HGSNAT: variants seen among roughly 807,000 people sequenced by gnomAD.
HGSNAT encodes heparan-alpha-glucosaminide N-acetyltransferase.
Under a neutral mutation model 85.2 loss-of-function variants are expected in HGSNAT, and 59 were observed. The ratio of observed to expected loss-of-function variants is 0.69; its 90% CI spans 0.56 to 0.86. The LOEUF (loss-of-function observed/expected upper bound fraction) is 0.86. Ranked by LOEUF, HGSNAT falls within the 40% of genes least tolerant of loss-of-function variation. The pLI, the probability that HGSNAT is intolerant of heterozygous loss-of-function variation, is 0.00. For synonymous variants in HGSNAT, 321 were observed against 304.5 expected, an observed-to-expected ratio of 1.05 and a Z score of -0.56; for missense variants, 756 against 777.1, an observed-to-expected ratio of 0.97 and a Z score of 0.32.
At chr8:43,158,069 C>T (rs1015816256) in intron 2 of HGSNAT, among the ~76,000 whole-genome samples, 2 of 152,052 alleles carry the variant, frequency 1.3e-5, no homozygotes, top group Non-Finnish European at 2.9e-5. Context: ...GAAGATTGTA[C>T]AATTCCATAG....
chr8:43,189,464 G>T (rs547820194), intron 11 of HGSNAT, among the ~76,000 whole-genome samples: 7 of 152,174 alleles, frequency 4.6e-5, no homozygotes, highest in South Asian at 2.1e-4. Context: ...CTGGTGTGCC[G>T]TTTGTTAAGA....
At chr8:43,146,909 CTTT>C (rs375505816) in intron 1 of HGSNAT, 36 bp from the exon 2 acceptor site, 2,043 of 1,029,056 alleles carry the variant, frequency 2.0e-3, no homozygotes, top group Admixed American at 2.6e-3. Context: ...TTTCGGGTGC[CTTT>C]TTTTTTTTTT....
At chr8:43,141,482 C>T (rs1349982989) in intron 1 of HGSNAT, among the ~76,000 whole-genome samples, 1 of 152,136 alleles carries the variant, frequency 6.6e-6, no homozygotes, top group Non-Finnish European at 1.5e-5. Context: ...TCCATCTAGA[C>T]CCCTGCACCG....
At chr8:43,191,951 T>C (rs1273652370) in intron 12 of HGSNAT, among the ~76,000 whole-genome samples, 1 of 152,052 alleles carries the variant, frequency 6.6e-6, no homozygotes, top group African/African-American at 2.4e-5. Context: ...TTTTTGGAGA[T>C]GGAATCTTGC....
In HGSNAT at chr8:43,184,295, CTGT is replaced by C. The variant is rs577140692; in HGVS notation, c.1128+2040_1128+2042del. Among the ~76,000 whole-genome samples, 562 of 152,194 alleles carry C rather than the reference CTGT, an allele frequency of 3.7e-3. 4 individuals are homozygous for C. The highest frequency in any genetic ancestry group is 0.013 in the African/African-American group (548 of 41,520). Reference sequence around the variant, plus strand: ...TATTTCTCCACATCCTCTCCAGCACCTGTTGTTTCCTGACTTTTTAATGATTGC... The same window carrying C: ...TATTTCTCCACATCCTCTCCAGCACCTGTTTCCTGACTTTTTAATGATTGC... On this transcript the variant is annotated intron_variant, in intron 11 of 17. Coordinates refer to ENST00000379644, the MANE Select transcript of HGSNAT (RefSeq NM_152419.3).
At chr8:43,163,682 T>C (rs1490870292) in intron 5 of HGSNAT, among the ~76,000 whole-genome samples, 1 of 152,088 alleles carries the variant, frequency 6.6e-6, no homozygotes, top group Non-Finnish European at 1.5e-5. Context: ...CGTGACACCA[T>C]GCCCAGCTAA....
chr8:43,172,065 A>G (rs995787958), intron 7 of HGSNAT, among the ~76,000 whole-genome samples: 3 of 152,248 alleles, frequency 2.0e-5, no homozygotes, highest in Non-Finnish European at 4.4e-5. Flanking sequence ...ACTGCAGTAT[A>G]CACTTTGGTT....
At chr8:43,192,237 TTTATTCTTGTCCCTCTGTTCGCCCTTA>T (rs1350733984) in intron 12 of HGSNAT, 40 bp from the exon 13 acceptor site, 82 of 1,534,354 alleles carry the variant, frequency 5.3e-5, no homozygotes, top group Non-Finnish European at 2.6e-5. Context: ...CTGAGGTTTT[TTTATTCTTGTCCCTCTGTTCGCCCTTA>T]TGAGGTCTTG....
At chr8:43,177,878 C>T (rs1035399538) in intron 9 of HGSNAT, among the ~76,000 whole-genome samples, 196 bp from the exon 10 acceptor site, 2 of 152,242 alleles carry the variant, frequency 1.3e-5, no homozygotes, top group Non-Finnish European at 2.9e-5. Context: ...CTTGAAGGTG[C>T]ACTGTCAAAA....
chr8:43,154,873 T>C (rs1018970161), intron 2 of HGSNAT, among the ~76,000 whole-genome samples: 26 of 152,346 alleles, frequency 1.7e-4, no homozygotes, highest in Non-Finnish European at 3.4e-4. Flanking sequence ...GACTTTTTAA[T>C]GATCGCCATT....
At chr8:43,195,006 A>AG (rs1370520471) in intron 14 of HGSNAT, among the ~76,000 whole-genome samples, 1 of 152,188 alleles carries the variant, frequency 6.6e-6, no homozygotes, top group Non-Finnish European at 1.5e-5. Context: ...CTAGTGGGAC[A>AG]GTCCCTAGCC....
At chr8:43,197,322 T>C in intron 15 of HGSNAT, 1 of 533,456 alleles carries the variant, frequency 1.9e-6, no homozygotes, top group South Asian at 2.3e-5. Flanking sequence ...ACTGGGCAAA[T>C]CAGACCAGGT....
intron 7 of HGSNAT, among the ~76,000 whole-genome samples, chr8:43,172,014 T>C (rs1803640600): frequency 6.6e-6 from 1 of 152,230 alleles, no homozygotes; most frequent in African/African-American, 2.4e-5. Flanking sequence ...AACTGAGTTA[T>C]TGGAAATATT....
intron 5 of HGSNAT, among the ~76,000 whole-genome samples, chr8:43,163,305 C>T (rs777936339): frequency 7.9e-5 from 12 of 152,102 alleles, no homozygotes; most frequent in Admixed American, 1.3e-4. Context: ...AGCCTGCGGG[C>T]AGAATGCTCT....
intron 10 of HGSNAT, among the ~76,000 whole-genome samples, chr8:43,178,437 C>G (rs1285848911): frequency 2.0e-5 from 3 of 152,020 alleles, no homozygotes; most frequent in African/African-American, 7.2e-5. Flanking sequence ...TCTGAGACTA[C>G]TCAAACCCTT....
At chr8:43,149,427 G>A (rs1230536703) in intron 2 of HGSNAT, among the ~76,000 whole-genome samples, 1 of 152,046 alleles carries the variant, frequency 6.6e-6, no homozygotes, top group African/African-American at 2.4e-5. Flanking sequence ...GGCCGGGCGC[G>A]GTGGCTCACG....
intron 5 of HGSNAT, among the ~76,000 whole-genome samples, chr8:43,167,342 A>C (rs968070424): frequency 6.6e-6 from 1 of 152,182 alleles, no homozygotes; most frequent in Non-Finnish European, 1.5e-5. Context: ...TCTGTGGCAA[A>C]CTGTATTGTC....
In HGSNAT at chr8:43,193,846, A is replaced by G. The variant is rs1296973575; in HGVS notation, c.1464+3A>G. The G allele has an allele frequency of 1.2e-6, 2 of 1,612,792 alleles. No individual in the cohort carries two copies. The highest frequency in any genetic ancestry group is 2.2e-5 in the South Asian group (2 of 91,050). ...TGATGGCCTTTTTAGGAGTTCAGGT[A>G]TTTGTTCATTTCATTAGGTTACTTT... On this transcript the variant is annotated splice_donor_region_variant and intron_variant, in intron 14 of 17. Transcript: ENST00000379644.
intron 11 of HGSNAT, 26 bp from the exon 12 acceptor site, chr8:43,191,448 T>C (rs1490662053): frequency 2.5e-6 from 4 of 1,606,790 alleles, no homozygotes; most frequent in Middle Eastern, 3.3e-4. Context: ...AGTTCACCCG[T>C]GTTTTATTTT....
Sources: allele counts gnomAD v4.1 joint callset (sites outside exome capture counted in the v4.1 genomes callset), GRCh38; gene constraint gnomAD v4.1.1; transcripts MANE v1.5; gene names NCBI Gene and HGNC (gene_info 2026-07-23, HGNC 2026-07-21).